The following SSH1 variants were observed in gnomAD, a reference collection of about 807,000 sequenced individuals.
The protein encoded by SSH1 is protein phosphatase Slingshot homolog 1.
SSH1 carries 43 observed loss-of-function variants against 79.7 expected under a neutral mutation model. The observed-to-expected ratio is 0.54, with a 90% CI of 0.42 to 0.70. The LOEUF is 0.70. Among genes scored for constraint, SSH1 ranks in the 30% least tolerant of loss-of-function variants. SSH1 has a pLI of 0.00. For synonymous variants in SSH1, 599 were observed against 538.3 expected (o/e 1.11, Z -1.56); for missense variants, 1,206 against 1,358.8 (o/e 0.89, Z 1.77).
At chr12:108,816,660 A>C (rs1310395629) in intron 5 of SSH1, among the ~76,000 whole-genome samples, 1 of 152,184 alleles carries the variant, frequency 6.6e-6, no homozygotes, top group Non-Finnish European at 1.5e-5. Flanking sequence ...CCTCTGCCTG[A>C]GAGGGTCTCC....
chr12:108,836,798 C>A, intron 2 of SSH1: 1 of 425,166 alleles, frequency 2.4e-6, no homozygotes, highest in Non-Finnish European at 5.1e-6. Flanking sequence ...CAAGTGCCAC[C>A]TTATGGGATT....
At chr12:108,828,414 T>G (rs899876647) in intron 2 of SSH1, among the ~76,000 whole-genome samples, 7 of 152,196 alleles carry the variant, frequency 4.6e-5, no homozygotes, top group Non-Finnish European at 1.0e-4. Context: ...GTTAAGCAGC[T>G]GTTCTACTCA....
At position 108,799,185 on chromosome 12, in the gene SSH1, C is replaced by T; in HGVS notation, c.1164G>A (p.Lys388=). The T allele has an allele frequency of 1.2e-6, 2 of 1,613,600 alleles. No homozygotes were observed. Among genetic ancestry groups the T allele is most frequent in the Non-Finnish European group, 1.7e-6 (2 of 1,179,762 alleles). The change falls in exon 13 of 15, where the codon AAG becomes AAA. Residue 388 remains lysine (K), a synonymous_variant. Coordinates refer to ENST00000326495, the MANE Select transcript of SSH1 (RefSeq NM_018984.4). The stretch of plus-strand genomic sequence containing the variant: ...CGCCCATTTTGCAATGCACCAGGCA[C>T]TTGGAATGGTTCCTCCTGCAGGGGT... The part of the protein sequence containing the change: ...FINKAKRNHS[K]CLVHCKMGVS...
chr12:108,790,322 A>G (rs1277159463), intron 14 of SSH1, among the ~76,000 whole-genome samples: 1 of 151,962 alleles, frequency 6.6e-6, no homozygotes, highest in Non-Finnish European at 1.5e-5. Context: ...AGCTAATTTA[A>G]TATTTTTAGT....
chr12:108,841,250 C>G (rs1348177308), intron 2 of SSH1, among the ~76,000 whole-genome samples: 3 of 152,208 alleles, frequency 2.0e-5, no homozygotes, highest in Non-Finnish European at 2.9e-5. Context: ...ACGAGCTGAG[C>G]TTGCACGCAC....
rs2036194234 is a variant in SSH1 at position 108,783,753 on chromosome 12, G to A, written c.*4235C>T. 6.6e-6 allele frequency: 1 copy of A among 152,218 alleles called. No individual in the cohort carries two copies. Among genetic ancestry groups the A allele is most frequent in the Admixed American group, 6.5e-5 (1 of 15,280 alleles). 9.4% of individuals were successfully genotyped at this position (152,218 alleles called of 1,614,324 possible). The stretch of plus-strand genomic sequence containing the variant: ...GGTTTCTATACTCAAATATACAGAT[G>A]CAGAGTGAACTCAAACACACAGGCA... On this transcript the variant is annotated 3_prime_UTR_variant, in exon 15 of 15. Transcript: ENST00000326495.
intron 2 of SSH1, among the ~76,000 whole-genome samples, chr12:108,838,741 A>C (rs951786909): frequency 1.3e-5 from 2 of 152,220 alleles, no homozygotes; most frequent in Admixed American, 1.3e-4. Context: ...TTCCTTGTGA[A>C]CACCACAGGT....
chr12:108,835,929 A>G lies in SSH1; in HGVS notation c.111-12568T>C, dbSNP rs185809686. 2.4e-4 allele frequency among the ~76,000 whole-genome samples: 34 copies of G among 143,178 alleles called. 1 individual carries two copies. The highest frequency in any genetic ancestry group is 6.5e-4 in the African/African-American group (26 of 39,724). The allele number at this position is 143,178 out of a possible 152,430, so 93.9% of individuals were successfully genotyped here. A position where few individuals can be genotyped will look rare whatever the true frequency, so the allele number is the denominator to read the frequency against. ...TAATTAATTATAACTATATTAATAT[A>G]ATCAATTATAACTATATTAATATAA... On this transcript the variant is annotated intron_variant, in intron 2 of 14. Coordinates refer to ENST00000326495, the MANE Select transcript of SSH1 (RefSeq NM_018984.4).
At chr12:108,851,916 T>C (rs2039047482) in intron 2 of SSH1, among the ~76,000 whole-genome samples, 1 of 152,054 alleles carries the variant, frequency 6.6e-6, no homozygotes, top group South Asian at 2.1e-4. Flanking sequence ...TACATAAAAA[T>C]GCTCAAGTTA....
intron 3 of SSH1, 63 bp from the exon 4 acceptor site, chr12:108,818,376 C>T (rs2037986540): frequency 4.1e-6 from 6 of 1,462,124 alleles, no homozygotes; most frequent in East Asian, 2.3e-5. Context: ...AAAAAAACCT[C>T]TGAAAGGCTG....
intron 2 of SSH1, among the ~76,000 whole-genome samples, chr12:108,838,416 T>C (rs1484667010): frequency 6.6e-6 from 1 of 152,226 alleles, no homozygotes; most frequent in East Asian, 1.9e-4. Context: ...GCCTCTCACA[T>C]ACACGGCTCT....
intron 3 of SSH1, among the ~76,000 whole-genome samples, chr12:108,822,640 T>C (rs1255491139): frequency 1.3e-5 from 2 of 152,214 alleles, no homozygotes; most frequent in Non-Finnish European, 2.9e-5. Context: ...TTCCTCTTTC[T>C]AACTGCCTTC....
intron 1 of SSH1, among the ~76,000 whole-genome samples, chr12:108,856,663 G>A (rs1239619054): frequency 6.6e-6 from 1 of 152,174 alleles, no homozygotes; most frequent in Non-Finnish European, 1.5e-5. Context: ...CTCCAGAGGC[G>A]GCAGGCGGGG....
intron 2 of SSH1, among the ~76,000 whole-genome samples, chr12:108,844,158 T>C (rs1261324538): frequency 6.6e-6 from 1 of 152,012 alleles, no homozygotes; most frequent in South Asian, 2.1e-4. Context: ...TGTACTATAC[T>C]GGCCATTTGA....
At chr12:108,854,576 G>A (rs867120934) in intron 1 of SSH1, among the ~76,000 whole-genome samples, 17 of 152,212 alleles carry the variant, frequency 1.1e-4, no homozygotes, top group South Asian at 4.1e-4. Flanking sequence ...AGCAGGCCTG[G>A]CTGTGTCAGG....
intron 6 of SSH1, 43 bp from the exon 7 acceptor site, chr12:108,809,801 T>A (rs746934470): frequency 3.1e-5 from 48 of 1,567,124 alleles, no homozygotes; most frequent in Non-Finnish European, 4.0e-5. Context: ...TGGTGAGAAA[T>A]CAGCGCCTTG....
intron 7 of SSH1, 78 bp downstream of exon 7, chr12:108,809,615 T>C: frequency 8.1e-7 from 1 of 1,234,744 alleles, no homozygotes; most frequent in Non-Finnish European, 1.2e-6. Flanking sequence ...AGCTTCTTGG[T>C]AGAAGGGGTT....
At chr12:108,824,330 G>GCTA (rs2038233948) in intron 2 of SSH1, among the ~76,000 whole-genome samples, 1 of 152,044 alleles carries the variant, frequency 6.6e-6, no homozygotes, top group Admixed American at 6.6e-5. Context: ...TGTAATCCCA[G>GCTA]CTACTCAGAA....
chr12:108,828,102 G>A (rs918495429), intron 2 of SSH1, among the ~76,000 whole-genome samples: 28 of 152,284 alleles, frequency 1.8e-4, no homozygotes, highest in Admixed American at 1.1e-3. Context: ...TAACCATGAC[G>A]CAGGAGAGAA....
Sources: gnomAD v4.1 joint callset for allele counts (sites outside exome capture counted in the v4.1 genomes callset) on GRCh38, gnomAD v4.1.1 for gene constraint, MANE v1.5 for transcripts, NCBI Gene and HGNC (gene_info 2026-07-23, HGNC 2026-07-21) for gene names.